ARL6: variants seen among roughly 807,000 people sequenced by gnomAD.
ARL6 encodes ARF like GTPase 6.
A neutral mutation model predicts 27.1 loss-of-function variants in ARL6; 18 were observed. That is an observed-to-expected ratio of 0.66 (90% confidence interval 0.46 to 0.98). The LOEUF is 0.98. Ranked by LOEUF, ARL6 falls within the 50% of genes least tolerant of loss-of-function variation. The pLI is 0.00. For synonymous variants in ARL6, 65 were observed against 72.3 expected (o/e 0.90, Z 0.51); for missense variants, 187 against 214.9 (o/e 0.87, Z 0.81).
chr3:97,767,005 A>C (rs1273296637), intron 1 of ARL6, among the ~76,000 whole-genome samples: 1 of 152,202 alleles, frequency 6.6e-6, no homozygotes. Context: ...GTGTAAATTT[A>C]ACAGTACCTT....
rs895664671 is a variant in ARL6 at position 97,798,361 on chromosome 3, G to A, written c.*312G>A. On this transcript the variant is annotated 3_prime_UTR_variant, in exon 8 of 8. Transcript: ENST00000463745. ...CTCATCCCATCATAATTTATGATAT[G>A]TTTAATATATTTTATTTTTTAATTG... The A allele has an allele frequency of 4.8e-6, 1 of 206,748 alleles. No individual in the cohort carries two copies. The highest frequency in any genetic ancestry group is 1.7e-4 in the South Asian group (1 of 5,956). The allele number at this position is 206,748 out of a possible 1,614,324, so 12.8% of individuals were successfully genotyped here. A position where few individuals can be genotyped will look rare whatever the true frequency, so the allele number is the denominator to read the frequency against.
At position 97,781,640 on chromosome 3, in the gene ARL6, C is replaced by T. The variant is rs147685240; in HGVS notation, c.254+957C>T. Among the ~76,000 whole-genome samples the T allele has an allele frequency of 4.2e-3, 635 of 152,088 alleles. 7 individuals carry two copies. Among genetic ancestry groups the T allele is most frequent in the African/African-American group, 0.015 (609 of 41,530 alleles). On this transcript the variant is annotated intron_variant, in intron 4 of 7. Coordinates refer to ENST00000463745, the MANE Select transcript of ARL6 (RefSeq NM_001278293.3). The stretch of plus-strand genomic sequence containing the variant: ...TCCTGGAACCAATCCCTCGCCAATT[C>T]GGAGGGATGACTATACTTCAGACTA...
chr3:97,785,487 CATATATAT>C (rs5851081), intron 5 of ARL6, among the ~76,000 whole-genome samples: 1 of 145,900 alleles, frequency 6.9e-6, no homozygotes. Context: ...CATATTTATT[CATATATAT>C]ATATATATAT....
At chr3:97,769,577 T>C (rs558267256) in intron 2 of ARL6, among the ~76,000 whole-genome samples, 2 of 152,112 alleles carry the variant, frequency 1.3e-5, no homozygotes, top group Non-Finnish European at 2.9e-5. Context: ...TTTTGAAATA[T>C]CCAGTAAATT....
Position 97,799,300 on chromosome 3 carries a change from A to G in ARL6, c.*1251A>G, listed in dbSNP as rs2038146935. ...TTCACAAAGATTTTAATAAAAGCACATAAAGCTACAATAAAAGTTCTATAT... is the reference window on the plus strand; with the variant it reads ...TTCACAAAGATTTTAATAAAAGCACGTAAAGCTACAATAAAAGTTCTATAT... On this transcript the variant is annotated 3_prime_UTR_variant, in exon 8 of 8. Coordinates refer to ENST00000463745, the MANE Select transcript of ARL6 (RefSeq NM_001278293.3). The G allele has an allele frequency of 6.6e-6, 1 of 152,134 alleles. No homozygotes were observed. The highest frequency in any genetic ancestry group is 2.4e-5 in the African/African-American group (1 of 41,462). The allele number at this position is 152,134 out of a possible 1,614,324, so 9.4% of individuals were successfully genotyped here.
In ARL6 at chr3:97,781,681, C is replaced by T. The variant is rs118174310; in HGVS notation, c.254+998C>T. 2.3e-4 allele frequency among the ~76,000 whole-genome samples: 35 copies of T among 152,160 alleles called. 1 individual carries two copies. In the East Asian group the frequency reaches 5.4e-3, roughly 24 times the overall value. ...CTTCAGACTAATAGCTGTCAAGTTACTAGGACCCAAATGTGTTATACCTTC... is the reference window on the plus strand; with the variant it reads ...CTTCAGACTAATAGCTGTCAAGTTATTAGGACCCAAATGTGTTATACCTTC... On this transcript the variant is annotated intron_variant, in intron 4 of 7. Transcript: ENST00000463745.
At chr3:97,774,610 C>A (rs2036805955) in intron 2 of ARL6, among the ~76,000 whole-genome samples, 1 of 152,090 alleles carries the variant, frequency 6.6e-6, no homozygotes, top group Non-Finnish European at 1.5e-5. Flanking sequence ...CAGGGTCCTC[C>A]CACACATCCC....
chr3:97,788,058 T>G lies in ARL6; in HGVS notation c.418T>G (p.Ser140Ala). The G allele has an allele frequency of 6.2e-7, 1 of 1,613,268 alleles. No homozygotes were observed. The highest frequency in any genetic ancestry group is 8.5e-7 in the Non-Finnish European group (1 of 1,179,434). ...NKMDLRDAVT[S>A]VKVSQLLCLE... ...AATGGATCTTAGAGATGCAGTGACA[T>G]CTGTAAAAGTGTCTCAGTTGCTGTG... The change falls in exon 6 of 8, where the codon TCT (serine) becomes GCT (alanine). Residue 140 changes from serine to alanine, a missense_variant. Physicochemically the swap from Ser to Ala is moderately conservative, Grantham distance 99. Transcript: ENST00000463745.
chr3:97,776,423 T>G (rs1450648622), intron 2 of ARL6, among the ~76,000 whole-genome samples: 1 of 152,198 alleles, frequency 6.6e-6, no homozygotes, highest in Non-Finnish European at 1.5e-5. Flanking sequence ...AAGAATGTAG[T>G]TCATTTACAT....
chr3:97,798,150 A>G lies in ARL6; in HGVS notation c.*101A>G, dbSNP rs2038092159. On this transcript the variant is annotated 3_prime_UTR_variant, in exon 8 of 8. Transcript: ENST00000463745. ...AAGATGTTTATGCATCAAAAAATATAATTTTCTGCTTGCATTTATGGACTC... is the reference window on the plus strand; with the variant it reads ...AAGATGTTTATGCATCAAAAAATATGATTTTCTGCTTGCATTTATGGACTC... The G allele has an allele frequency of 4.9e-6, 6 of 1,236,888 alleles. No individual in the cohort carries two copies. The South Asian group carries it at 7.5e-5, about 15-fold the overall frequency. The allele number at this position is 1,236,888 out of a possible 1,614,324, so 76.6% of individuals were successfully genotyped here. A position where few individuals can be genotyped will look rare whatever the true frequency, so the allele number is the denominator to read the frequency against.
At position 97,773,646 on chromosome 3, in the gene ARL6, A is replaced by G. The variant is rs568142332; in HGVS notation, c.123+5416A>G. ...AAGTCAACAGTATTTAAATGCTGAA[A>G]TGAAGTTAATAAATCTTATGTCACA... On this transcript the variant is annotated intron_variant, in intron 2 of 7. Transcript: ENST00000463745. 2.0e-5 allele frequency among the ~76,000 whole-genome samples: 3 copies of G among 152,378 alleles called. No individual in the cohort carries two copies. The South Asian group carries it at 6.2e-4, about 32-fold the overall frequency.
chr3:97,788,389 C>T (rs1457623068), intron 6 of ARL6, among the ~76,000 whole-genome samples: 2 of 152,170 alleles, frequency 1.3e-5, no homozygotes, highest in African/African-American at 4.8e-5. Context: ...ACTTCAGCTA[C>T]ACTGATTTCC....
Position 97,798,849 on chromosome 3 carries a change from A to T in ARL6, c.*800A>T, listed in dbSNP as rs1344558521. On this transcript the variant is annotated 3_prime_UTR_variant, in exon 8 of 8. Transcript: ENST00000463745. Reference sequence around the variant, plus strand: ...ATATTGCATCTTCAGATTAAGAGGTATAAAGTAAATTAATATTTGACTGTT... The same window carrying T: ...ATATTGCATCTTCAGATTAAGAGGTTTAAAGTAAATTAATATTTGACTGTT... 6.6e-6 allele frequency: 1 copy of T among 152,132 alleles called. No individual in the cohort carries two copies. The highest frequency in any genetic ancestry group is 1.5e-5 in the Non-Finnish European group (1 of 67,950). The allele number at this position is 152,132 out of a possible 1,614,324, so 9.4% of individuals were successfully genotyped here.
At chr3:97,777,991 A>G (rs142431501) in intron 2 of ARL6, among the ~76,000 whole-genome samples, 222 of 152,312 alleles carry the variant, frequency 1.5e-3, no homozygotes, top group African/African-American at 4.8e-3. Flanking sequence ...AAATGTTCTA[A>G]TTATAATTCA....
At chr3:97,778,914 T>C (rs1559678341) in intron 2 of ARL6, among the ~76,000 whole-genome samples, 1 of 152,108 alleles carries the variant, frequency 6.6e-6, no homozygotes, top group Non-Finnish European at 1.5e-5. Context: ...AGAGAATGAT[T>C]ACATAAAGAA....
intron 2 of ARL6, among the ~76,000 whole-genome samples, chr3:97,772,958 C>T (rs1452026659): frequency 1.3e-5 from 2 of 151,970 alleles, no homozygotes; most frequent in Non-Finnish European, 2.9e-5. Flanking sequence ...CTATAAACTT[C>T]TTGGTTAGTA....
chr3:97,778,618 A>G (rs975886570), intron 2 of ARL6, among the ~76,000 whole-genome samples: 2 of 152,214 alleles, frequency 1.3e-5, no homozygotes, highest in Non-Finnish European at 2.9e-5. Flanking sequence ...ATTGGGGAAG[A>G]GACTGAAATC....
At chr3:97,785,819 C>T (rs1435358736) in intron 5 of ARL6, among the ~76,000 whole-genome samples, 1 of 152,092 alleles carries the variant, frequency 6.6e-6, no homozygotes, top group Admixed American at 6.5e-5. Flanking sequence ...TAGCCTTCCT[C>T]ATGCCAAAAA....
intron 2 of ARL6, among the ~76,000 whole-genome samples, chr3:97,777,387 T>C (rs979153618): frequency 2.0e-5 from 3 of 151,972 alleles, no homozygotes; most frequent in African/African-American, 7.2e-5. Context: ...CCTACCTATA[T>C]AAAATGGTAT....
Sources: allele counts gnomAD v4.1 joint callset (sites outside exome capture counted in the v4.1 genomes callset), GRCh38; gene constraint gnomAD v4.1.1; transcripts MANE v1.5; gene names NCBI Gene and HGNC (gene_info 2026-07-23, HGNC 2026-07-21).